CCDC93: variants seen among roughly 807,000 people sequenced by gnomAD.
CCDC93 encodes CCC complex scaffolding subunit CCDC93.
Under a neutral mutation model 108.2 loss-of-function variants are expected in CCDC93, and 61 were observed. The ratio of observed to expected loss-of-function variants is 0.56; its 90% confidence interval spans 0.46 to 0.70. The LOEUF (loss-of-function observed/expected upper bound fraction) is 0.70, where lower values mean the gene tolerates loss of function less well. CCDC93 is among the 30% of genes least tolerant of loss of function. CCDC93 has a pLI of 0.00. For synonymous variants in CCDC93, 276 were observed against 260.4 expected (o/e 1.06, Z -0.58); for missense variants, 685 against 764.2 (o/e 0.90, Z 1.22).
At chr2:117,935,797 T>C in intron 21 of CCDC93, 1 of 399,596 alleles carries the variant, frequency 2.5e-6, no homozygotes, top group Non-Finnish European at 4.4e-6. Context: ...TATAATTGCA[T>C]GTTAATCTTT....
At chr2:118,003,950 T>C (rs1676789882) in intron 3 of CCDC93, among the ~76,000 whole-genome samples, 1 of 152,148 alleles carries the variant, frequency 6.6e-6, no homozygotes, top group African/African-American at 2.4e-5. Flanking sequence ...AAATTAGCAA[T>C]TGCAGAGGTC....
intron 23 of CCDC93, among the ~76,000 whole-genome samples, chr2:117,926,296 T>A (rs1023501078): frequency 6.6e-6 from 1 of 150,982 alleles, no homozygotes; most frequent in African/African-American, 2.4e-5. Context: ...AATAGAGACA[T>A]AAAAAACCCT....
intron 20 of CCDC93, among the ~76,000 whole-genome samples, chr2:117,937,266 T>A (rs1678554815): frequency 6.6e-6 from 1 of 152,008 alleles, no homozygotes; most frequent in African/African-American, 2.4e-5. Context: ...CCGTGGACAC[T>A]GCCTTAGCCC....
chr2:118,008,832 T>C, intron 1 of CCDC93, 174 bp from the exon 2 acceptor site: 1 of 586,690 alleles, frequency 1.7e-6, no homozygotes, highest in Non-Finnish European at 3.0e-6. Context: ...TGGACAGTGT[T>C]GTTGGAGTCA....
At chr2:117,995,153 A>G (rs1168198684) in intron 6 of CCDC93, among the ~76,000 whole-genome samples, 1 of 152,148 alleles carries the variant, frequency 6.6e-6, no homozygotes, top group Admixed American at 6.5e-5. Flanking sequence ...GAGCTATTCA[A>G]AGTTTATACC....
At chr2:117,949,535 T>C in intron 13 of CCDC93, 140 bp from the exon 14 acceptor site, 1 of 684,632 alleles carries the variant, frequency 1.5e-6, no homozygotes, top group Non-Finnish European at 2.4e-6. Flanking sequence ...AGTAGGTAAT[T>C]ACATCATACA....
At chr2:117,977,037 G>A (rs374487055) in intron 8 of CCDC93, among the ~76,000 whole-genome samples, 527 of 150,572 alleles carry the variant, frequency 3.5e-3, no homozygotes, top group African/African-American at 0.012. Context: ...CCGGGTTCAC[G>A]CCATTCTCCT....
intron 12 of CCDC93, among the ~76,000 whole-genome samples, chr2:117,957,775 C>G (rs1679264608): frequency 6.6e-6 from 1 of 152,142 alleles, no homozygotes; most frequent in African/African-American, 2.4e-5. Flanking sequence ...TACAGACTTC[C>G]TGCCTGGAAA....
chr2:117,974,046 C>T (rs1679854033), intron 10 of CCDC93, 52 bp from the exon 11 acceptor site: 1 of 1,191,710 alleles, frequency 8.4e-7, no homozygotes, highest in Non-Finnish European at 1.2e-6. Context: ...TCTTCCATAG[C>T]ACTGGAAAAT....
intron 7 of CCDC93, among the ~76,000 whole-genome samples, chr2:117,985,135 A>C (rs1680273984): frequency 8.5e-6 from 1 of 117,950 alleles, no homozygotes; most frequent in African/African-American, 3.7e-5. Context: ...GGAAGAAAAA[A>C]CAAAACAAAA....
chr2:117,926,400 G>A (rs1290449510), intron 23 of CCDC93, among the ~76,000 whole-genome samples: 1 of 151,588 alleles, frequency 6.6e-6, no homozygotes, highest in Non-Finnish European at 1.5e-5. Context: ...AAAGAGAGAA[G>A]AATCAAATAG....
rs1253635753 is a variant in CCDC93, at chr2:117,916,675, G to GT, written c.*3667dup. ...ACATGGGCAGGCAATGGGGACGGAT[G>GT]TAAGGCTGGCGTGGAACATCCACGG... On this transcript the variant is annotated 3_prime_UTR_variant, in exon 24 of 24. Coordinates refer to ENST00000376300, the MANE Select transcript of CCDC93 (RefSeq NM_019044.5). 3 of 152,244 alleles carry GT rather than the reference G, an allele frequency of 2.0e-5. No homozygotes were observed. Among genetic ancestry groups the GT allele is most frequent in the Non-Finnish European group, 2.9e-5 (2 of 68,066 alleles). The allele number at this position is 152,244 out of a possible 1,614,324, so 9.4% of individuals were successfully genotyped here. A position where few individuals can be genotyped will look rare whatever the true frequency, so the allele number is the denominator to read the frequency against.
intron 11 of CCDC93, among the ~76,000 whole-genome samples, chr2:117,972,784 G>A (rs1411131848): frequency 2.0e-5 from 3 of 152,086 alleles, no homozygotes; most frequent in Non-Finnish European, 4.4e-5. Flanking sequence ...GTACTTTTAG[G>A]ATAACAAACA....
At chr2:117,987,796 A>ATTTAT (rs1465411364) in intron 6 of CCDC93, among the ~76,000 whole-genome samples, 17 of 152,230 alleles carry the variant, frequency 1.1e-4, no homozygotes, top group African/African-American at 3.1e-4. Flanking sequence ...GGAATATAAA[A>ATTTAT]TCAATTTATC....
At chr2:117,963,301 C>T (rs1428713887) in intron 11 of CCDC93, among the ~76,000 whole-genome samples, 1 of 152,168 alleles carries the variant, frequency 6.6e-6, no homozygotes, top group Non-Finnish European at 1.5e-5. Context: ...CTCCCTAAAG[C>T]AACAGATTAA....
chr2:117,984,390 A>G (rs925272232), intron 7 of CCDC93, among the ~76,000 whole-genome samples: 2 of 152,190 alleles, frequency 1.3e-5, no homozygotes, highest in Admixed American at 6.5e-5. Context: ...TTTCCTAAAG[A>G]GGCCAAGCCA....
intron 11 of CCDC93, among the ~76,000 whole-genome samples, chr2:117,964,979 A>T: frequency 6.6e-6 from 1 of 152,228 alleles, no homozygotes; most frequent in South Asian, 2.1e-4. Flanking sequence ...CTGAGTATTT[A>T]TTATGAATGA....
In CCDC93 at chr2:117,919,543, T is replaced by C. The variant is rs1326821503; in HGVS notation, c.*800A>G. ...GTAGCCTCATCAAATGTGCCTTCAA[T>C]GAGGGGGATGCACAGCCCCTCTGCA... On this transcript the variant is annotated 3_prime_UTR_variant, in exon 24 of 24. Coordinates refer to ENST00000376300, the MANE Select transcript of CCDC93 (RefSeq NM_019044.5). 1 of 152,164 alleles carries C rather than the reference T, an allele frequency of 6.6e-6. No individual in the cohort carries two copies. Among genetic ancestry groups the C allele is most frequent in the Non-Finnish European group, 1.5e-5 (1 of 68,048 alleles). 9.4% of individuals were successfully genotyped at this position (152,164 alleles called of 1,614,324 possible). A position where few individuals can be genotyped will look rare whatever the true frequency, so the allele number is the denominator to read the frequency against.
intron 23 of CCDC93, among the ~76,000 whole-genome samples, chr2:117,924,980 C>T (rs367774714): frequency 6.6e-6 from 1 of 152,110 alleles, no homozygotes; most frequent in Non-Finnish European, 1.5e-5. Flanking sequence ...TTCAACATTC[C>T]TAAAGAAAAG....
Sources: gnomAD v4.1 joint callset for allele counts (sites outside exome capture counted in the v4.1 genomes callset) on GRCh38, gnomAD v4.1.1 for gene constraint, MANE v1.5 for transcripts, NCBI Gene and HGNC (gene_info 2026-07-23, HGNC 2026-07-21) for gene names.